The following MARCHF1 variants were observed in gnomAD, a reference collection of about 807,000 sequenced individuals.
MARCHF1 encodes the protein E3 ubiquitin-protein ligase MARCHF1.
In MARCHF1, 40 loss-of-function variants were observed where a neutral mutation model predicts 54.2. The observed-to-expected ratio is 0.74, with a 90% CI of 0.57 to 0.96. The LOEUF (loss-of-function observed/expected upper bound fraction) is 0.96. Among genes scored for constraint, MARCHF1 ranks in the 40% least tolerant of loss-of-function variants. MARCHF1 has a pLI of 0.00. For synonymous variants in MARCHF1, 236 were observed against 236.3 expected, an observed-to-expected ratio of 1.00 and a Z score of 0.01; for missense variants, 586 against 656.5, an observed-to-expected ratio of 0.89 and a Z score of 1.17.
Position 163,700,856 on chromosome 4 carries a change from T to A in MARCHF1, c.119A>T (p.Lys40Ile). 1 of 1,535,708 alleles carries A rather than the reference T, an allele frequency of 6.5e-7. No homozygotes were observed. ...DASQTSTLNE[K>I]SPGRSASRSS... ...TCGACTTGCAGATCGCCCTGGGGAT[T>A]TTTCATTCTGAAAAATAAAATGGGA... is the stretch of plus-strand genomic sequence containing the variant. The change falls in exon 5 of 10, where the codon AAA (lysine) becomes ATA (isoleucine). Residue 40 changes from lysine to isoleucine, a missense_variant. By Grantham distance (102) the Lys-to-Ile change is moderately radical. Transcript: ENST00000514618.
chr4:164,291,230 TCAAA>T (rs1224829331), intron 1 of MARCHF1, among the ~76,000 whole-genome samples: 2 of 152,006 alleles, frequency 1.3e-5, no homozygotes, highest in African/African-American at 4.8e-5. Context: ...TTTTGATTAC[TCAAA>T]CAAATTTGGA....
At chr4:164,193,548 CTTGGATTTGTTCAATTGAGTAAATGGAAT>C (rs1731178172) in intron 1 of MARCHF1, among the ~76,000 whole-genome samples, 1 of 152,042 alleles carries the variant, frequency 6.6e-6, no homozygotes, top group East Asian at 1.9e-4. Flanking sequence ...GCCTCTTTCA[CTTGGATTTGTTCAATTGAGTAAATGGAAT>C]ACATTTCATG....
chr4:163,536,829 A>G (rs1044801188), intron 9 of MARCHF1, among the ~76,000 whole-genome samples: 2 of 151,972 alleles, frequency 1.3e-5, no homozygotes, highest in African/African-American at 4.8e-5. Flanking sequence ...TTCCTTCACA[A>G]GGTATCTCTG....
intron 9 of MARCHF1, 67 bp from the exon 10 acceptor site, chr4:163,529,113 T>TC (rs35656850): frequency 1.2e-4 from 155 of 1,261,434 alleles, no homozygotes; most frequent in South Asian, 4.9e-4. Context: ...ATTTTTTTTT[T>TC]CTATGACCCT....
At chr4:164,218,705 TG>T (rs1560958994) in intron 1 of MARCHF1, among the ~76,000 whole-genome samples, 1 of 36,778 alleles carries the variant, frequency 2.7e-5, no homozygotes, top group Admixed American at 3.8e-4. Context: ...TGTTGTGGGG[TG>T]GGGGGAGGGG....
At chr4:164,298,519 A>ATAATGTG (rs1434215101) in intron 1 of MARCHF1, among the ~76,000 whole-genome samples, 1 of 152,062 alleles carries the variant, frequency 6.6e-6, no homozygotes. Context: ...TATTTTAAAC[A>ATAATGTG]ATTTTCATAT....
chr4:163,830,051 G>A (rs1052729595), intron 4 of MARCHF1, among the ~76,000 whole-genome samples: 2 of 152,062 alleles, frequency 1.3e-5, no homozygotes, highest in Non-Finnish European at 2.9e-5. Context: ...AAATTGTTGT[G>A]AACAATTTAA....
chr4:163,602,501 T>C (rs749091478), intron 7 of MARCHF1, among the ~76,000 whole-genome samples: 9 of 152,128 alleles, frequency 5.9e-5, no homozygotes, highest in Non-Finnish European at 1.2e-4. Flanking sequence ...GACTGTATGT[T>C]GAGTAGTCCC....
At chr4:164,287,081 A>T (rs1734168698) in intron 1 of MARCHF1, among the ~76,000 whole-genome samples, 1 of 148,518 alleles carries the variant, frequency 6.7e-6, no homozygotes, top group South Asian at 2.1e-4. Flanking sequence ...TATAGTATTA[A>T]TTTTTAAAAA....
At chr4:163,715,122 T>C (rs967948390) in intron 4 of MARCHF1, among the ~76,000 whole-genome samples, 2 of 152,240 alleles carry the variant, frequency 1.3e-5, no homozygotes, top group African/African-American at 2.4e-5. Flanking sequence ...TATATTATAA[T>C]TTGGATTTAA....
At chr4:163,552,029 T>C (rs949893051) in intron 8 of MARCHF1, among the ~76,000 whole-genome samples, 1 of 152,190 alleles carries the variant, frequency 6.6e-6, no homozygotes, top group Non-Finnish European at 1.5e-5. Flanking sequence ...ACCTCAGATA[T>C]AATAGCCATA....
intron 2 of MARCHF1, among the ~76,000 whole-genome samples, chr4:164,047,327 T>G (rs76675430): frequency 6.6e-6 from 1 of 152,104 alleles, no homozygotes; most frequent in African/African-American, 2.4e-5. Flanking sequence ...ATCATGTGAC[T>G]GGGCCTAGGA....
rs1731425848 is a variant in MARCHF1, at chr4:164,200,614, CA to C, written c.-322-88953del. On this transcript the variant is annotated intron_variant, in intron 1 of 9. Transcript: ENST00000514618. ...ATTATCTTTCTTCAAAAATGTTATACATTTAACGATTTATTCTTCAAATATT... is the reference window on the plus strand; with the variant it reads ...ATTATCTTTCTTCAAAAATGTTATACTTTAACGATTTATTCTTCAAATATT... Among the ~76,000 whole-genome samples, 33 of 152,294 alleles carry C rather than the reference CA, an allele frequency of 2.2e-4. No homozygotes were observed. The South Asian group carries it at 6.8e-3, about 32-fold the overall frequency.
intron 1 of MARCHF1, among the ~76,000 whole-genome samples, chr4:164,349,529 G>A (rs116029254): frequency 1.2e-3 from 186 of 152,188 alleles, no homozygotes; most frequent in African/African-American, 4.3e-3. Context: ...TCAAAGTACA[G>A]TACTTATTTT....
intron 8 of MARCHF1, among the ~76,000 whole-genome samples, chr4:163,549,522 C>T (rs935229796): frequency 6.6e-6 from 1 of 152,146 alleles, no homozygotes; most frequent in Non-Finnish European, 1.5e-5. Context: ...CCTTAGTCTT[C>T]AAGTTCTCCT....
At chr4:164,088,351 T>A (rs1161358367) in intron 2 of MARCHF1, among the ~76,000 whole-genome samples, 1 of 152,250 alleles carries the variant, frequency 6.6e-6, no homozygotes, top group African/African-American at 2.4e-5. Flanking sequence ...TATAATTTGA[T>A]GTTTTCCTTA....
At chr4:164,290,062 T>C (rs1262622064) in intron 1 of MARCHF1, among the ~76,000 whole-genome samples, 1 of 151,710 alleles carries the variant, frequency 6.6e-6, no homozygotes, top group Admixed American at 6.6e-5. Context: ...CAATTTCTTT[T>C]CCTGTGCCCT....
intron 2 of MARCHF1, among the ~76,000 whole-genome samples, chr4:164,079,539 T>C (rs1419414839): frequency 2.0e-5 from 3 of 152,178 alleles, no homozygotes; most frequent in Non-Finnish European, 4.4e-5. Flanking sequence ...TCGTATACAA[T>C]TGATACCTAA....
At chr4:164,336,546 A>T (rs1002602350) in intron 1 of MARCHF1, among the ~76,000 whole-genome samples, 1 of 152,232 alleles carries the variant, frequency 6.6e-6, no homozygotes, top group Non-Finnish European at 1.5e-5. Flanking sequence ...GCATCTTGGA[A>T]TCAGTAACCA....
Sources: gnomAD v4.1 joint callset for allele counts (sites outside exome capture counted in the v4.1 genomes callset) on GRCh38, gnomAD v4.1.1 for gene constraint, MANE v1.5 for transcripts, NCBI Gene and HGNC (gene_info 2026-07-23, HGNC 2026-07-21) for gene names.